RALYL: variants seen among roughly 807,000 people sequenced by gnomAD.
RALYL encodes the protein RALY RNA binding protein like, also known as RNA-binding Raly-like protein.
In RALYL, 29 loss-of-function variants were observed where a neutral mutation model predicts 35.1. The ratio of observed to expected loss-of-function variants is 0.83; its 90% confidence interval spans 0.61 to 1.13. The LOEUF is 1.13. RALYL is among the 50% of genes most tolerant of loss of function. The probability of loss-of-function intolerance (pLI) is 0.00; values close to 1 mark genes in which losing one functional copy is unlikely to be tolerated. For missense variants in RALYL, 359 were observed against 360.4 expected (o/e 1.00, Z 0.03); for synonymous variants, 120 against 127.6 (o/e 0.94, Z 0.40).
intron 1 of RALYL, among the ~76,000 whole-genome samples, chr8:84,192,564 C>A (rs1213312364): frequency 7.0e-6 from 1 of 142,918 alleles, no homozygotes; most frequent in Admixed American, 6.9e-5. Flanking sequence ...TTTTTTTTTT[C>A]TTTCTTTTTT....
intron 2 of RALYL, among the ~76,000 whole-genome samples, chr8:84,656,058 C>A (rs1829901256): frequency 6.6e-6 from 1 of 152,138 alleles, no homozygotes; most frequent in Non-Finnish European, 1.5e-5. Flanking sequence ...CTCACAGTTA[C>A]AGAAGGATAT....
At chr8:84,621,041 C>A (rs1412371405) in intron 2 of RALYL, among the ~76,000 whole-genome samples, 2 of 148,202 alleles carry the variant, frequency 1.3e-5, no homozygotes, top group African/African-American at 5.0e-5. Context: ...TTACTGCTGT[C>A]TTTTTGTTTG....
At chr8:84,353,648 A>T (rs1851316585) in intron 1 of RALYL, among the ~76,000 whole-genome samples, 1 of 150,314 alleles carries the variant, frequency 6.7e-6, no homozygotes, top group Admixed American at 6.6e-5. Flanking sequence ...ACGTCAAGAT[A>T]TGTTACAAGG....
chr8:84,377,401 C>T (rs1381795967), intron 1 of RALYL, among the ~76,000 whole-genome samples: 2 of 137,430 alleles, frequency 1.5e-5, no homozygotes, highest in African/African-American at 2.7e-5. Context: ...TGAATATATT[C>T]TTTTGGTAAC....
chr8:84,680,746 A>G (rs1835287722), intron 2 of RALYL, among the ~76,000 whole-genome samples: 1 of 152,104 alleles, frequency 6.6e-6, no homozygotes, highest in South Asian at 2.1e-4. Flanking sequence ...GATTCTGGAT[A>G]TTAGCCCTTC....
intron 1 of RALYL, among the ~76,000 whole-genome samples, chr8:84,521,563 A>G (rs2058461016): frequency 1.3e-5 from 2 of 152,220 alleles, no homozygotes; most frequent in South Asian, 4.1e-4. Context: ...ACCCTCTGCC[A>G]AATTACATTT....
chr8:84,654,344 G>A (rs1416697021), intron 2 of RALYL, among the ~76,000 whole-genome samples: 2 of 132,094 alleles, frequency 1.5e-5, no homozygotes, highest in African/African-American at 2.7e-5. Context: ...TGCTACATGA[G>A]ATATTTTGAT....
intron 2 of RALYL, among the ~76,000 whole-genome samples, chr8:84,737,071 C>T (rs1327845393): frequency 6.6e-6 from 1 of 152,004 alleles, no homozygotes; most frequent in Non-Finnish European, 1.5e-5. Context: ...GAATTTGATA[C>T]AGTAGTCAAA....
Position 84,252,738 on chromosome 8 carries a change from C to A in RALYL, c.-24+68314C>A, listed in dbSNP as rs376760906. 5.0e-4 allele frequency among the ~76,000 whole-genome samples: 76 copies of A among 152,082 alleles called. 1 individual carries two copies. In the South Asian group the frequency reaches 0.016, roughly 31 times the overall value. On this transcript the variant is annotated intron_variant, in intron 1 of 8. Coordinates refer to ENST00000521268, the MANE Select transcript of RALYL (RefSeq NM_173848.7). ...GACTTTTTTCATTATCCTCAAAGAA[C>A]TAGAAAAAAATCCCTGAAATAGGCC...
At chr8:84,589,717 A>T (rs533131593) in intron 2 of RALYL, among the ~76,000 whole-genome samples, 2 of 152,346 alleles carry the variant, frequency 1.3e-5, no homozygotes, top group South Asian at 4.1e-4. Context: ...CAGAGGGCAA[A>T]TGCCAACCTA....
intron 1 of RALYL, among the ~76,000 whole-genome samples, chr8:84,389,503 T>A (rs201735263): frequency 6.6e-6 from 1 of 151,546 alleles, no homozygotes; most frequent in East Asian, 1.9e-4. Context: ...TTTGTTTGTA[T>A]CCTCTTTTAT....
intron 1 of RALYL, among the ~76,000 whole-genome samples, chr8:84,433,347 T>A (rs1376011659): frequency 6.6e-6 from 1 of 152,124 alleles, no homozygotes; most frequent in African/African-American, 2.4e-5. Context: ...ATTTTAACCA[T>A]CTTATTTTCT....
chr8:84,464,594 T>G (rs2133471785), intron 1 of RALYL, among the ~76,000 whole-genome samples: 1 of 150,384 alleles, frequency 6.6e-6, no homozygotes, highest in South Asian at 2.1e-4. Flanking sequence ...AATGCCGCAA[T>G]AAACATACGT....
intron 2 of RALYL, among the ~76,000 whole-genome samples, chr8:84,548,140 GT>G (rs1435558064): frequency 6.6e-6 from 1 of 150,514 alleles, no homozygotes; most frequent in Non-Finnish European, 1.5e-5. Flanking sequence ...TAACTTCTAC[GT>G]TTATCACTTT....
Position 84,317,580 on chromosome 8 carries a change from G to A in RALYL, c.-24+133156G>A, listed in dbSNP as rs11985312. 5.9e-3 allele frequency among the ~76,000 whole-genome samples: 896 copies of A among 152,290 alleles called. 9 individuals carry two copies. The highest frequency in any genetic ancestry group is 0.02 in the African/African-American group (829 of 41,570). ...ATTGCCGCATACCACTGTTTCTAAA[G>A]CAATAACCAACAGAGGGAATGTGTT... On this transcript the variant is annotated intron_variant, in intron 1 of 8. Coordinates refer to ENST00000521268, the MANE Select transcript of RALYL (RefSeq NM_173848.7).
chr8:84,335,190 G>A (rs1356741174), intron 1 of RALYL, among the ~76,000 whole-genome samples: 1 of 152,118 alleles, frequency 6.6e-6, no homozygotes. Context: ...AGCCTTCAGA[G>A]ATTCCTCACA....
chr8:84,637,022 C>T (rs1825206483), intron 2 of RALYL, among the ~76,000 whole-genome samples: 2 of 151,856 alleles, frequency 1.3e-5, no homozygotes, highest in African/African-American at 4.8e-5. Context: ...AAACTAATAA[C>T]AGAAAATTAG....
chr8:84,591,932 A>G (rs1049567192), intron 2 of RALYL, among the ~76,000 whole-genome samples: 1 of 152,124 alleles, frequency 6.6e-6, no homozygotes, highest in African/African-American at 2.4e-5. Context: ...TTATTTCTTG[A>G]TAGGACGCCT....
chr8:84,449,801 A>G (rs1283781067), intron 1 of RALYL, among the ~76,000 whole-genome samples: 1 of 152,074 alleles, frequency 6.6e-6, no homozygotes, highest in African/African-American at 2.4e-5. Flanking sequence ...ATTTGTTCAT[A>G]ATATGAGAAG....
Sources: allele counts gnomAD v4.1 joint callset (sites outside exome capture counted in the v4.1 genomes callset), GRCh38; gene constraint gnomAD v4.1.1; transcripts MANE v1.5; gene names NCBI Gene and HGNC (gene_info 2026-07-23, HGNC 2026-07-21).